The following IPO5 variants were observed in gnomAD, a reference collection of about 807,000 sequenced individuals.
IPO5 encodes the protein importin-5.
A neutral mutation model predicts 143.3 loss-of-function variants in IPO5; 18 were observed. The ratio of observed to expected loss-of-function variants is 0.13; its 90% CI spans 0.09 to 0.19. The LOEUF (loss-of-function observed/expected upper bound fraction) is 0.19. Ranked by LOEUF, IPO5 falls within the 10% of genes least tolerant of loss-of-function variation. The probability of loss-of-function intolerance (pLI) is 1.00; values close to 1 mark genes in which losing one functional copy is unlikely to be tolerated. For synonymous variants in IPO5, 477 were observed against 465.7 expected (o/e 1.02, Z -0.31); for missense variants, 1,013 against 1,336.9 (o/e 0.76, Z 3.78).
intron 8 of IPO5, 68 bp downstream of exon 8, chr13:97,990,290 T>A (rs1887701064): frequency 8.2e-7 from 1 of 1,226,954 alleles, no homozygotes. Flanking sequence ...AATTAGTATA[T>A]TAGGAGGTTG....
intron 11 of IPO5, among the ~76,000 whole-genome samples, chr13:97,995,552 A>G (rs517676): frequency 0.65 from 97,697 of 151,418 alleles, 33,056 homozygotes; most frequent in African/African-American, 0.87. Context: ...TCAGGAGATC[A>G]AGACCATCCT....
chr13:98,005,371 TTATTTA>T (rs1428083742), intron 16 of IPO5, among the ~76,000 whole-genome samples: 2 of 25,054 alleles, frequency 8.0e-5, no homozygotes, highest in Non-Finnish European at 1.5e-4. Flanking sequence ...TAATTTTTAT[TTATTTA>T]TTTATTTATT....
At chr13:98,005,007 T>A (rs1316527104) in intron 16 of IPO5, among the ~76,000 whole-genome samples, 1 of 152,104 alleles carries the variant, frequency 6.6e-6, no homozygotes, top group Admixed American at 6.6e-5. Context: ...GCCATTCTCC[T>A]GCCTCAGCCT....
intron 9 of IPO5, among the ~76,000 whole-genome samples, chr13:97,992,002 A>G (rs1887846638): frequency 6.6e-6 from 1 of 152,216 alleles, no homozygotes; most frequent in South Asian, 2.1e-4. Context: ...AGAACCACTG[A>G]GTTAGAGAGG....
At chr13:97,964,848 C>A (rs545508767) in intron 2 of IPO5, among the ~76,000 whole-genome samples, 1 of 152,192 alleles carries the variant, frequency 6.6e-6, no homozygotes, top group East Asian at 1.9e-4. Flanking sequence ...TGAGTATATA[C>A]CCAAAGGATT....
chr13:98,017,255 T>C (rs1307171856), intron 25 of IPO5, among the ~76,000 whole-genome samples: 2 of 151,762 alleles, frequency 1.3e-5, no homozygotes, highest in Non-Finnish European at 2.9e-5. Flanking sequence ...TATATATATA[T>C]ATGTATTTTT....
intron 5 of IPO5, among the ~76,000 whole-genome samples, chr13:97,985,143 A>G (rs1032837888): frequency 7.2e-5 from 11 of 152,238 alleles, no homozygotes; most frequent in Non-Finnish European, 1.6e-4. Flanking sequence ...TCTCCCAAAT[A>G]ATGTGTTAAA....
At chr13:97,963,659 C>T (rs1343181975) in intron 2 of IPO5, among the ~76,000 whole-genome samples, 8 of 152,094 alleles carry the variant, frequency 5.3e-5, no homozygotes, top group African/African-American at 1.9e-4. Context: ...TGAGCCACTG[C>T]ACCCGGCCAT....
intron 20 of IPO5, 134 bp downstream of exon 20, chr13:98,010,358 C>T: frequency 1.2e-6 from 1 of 823,552 alleles, no homozygotes; most frequent in South Asian, 2.0e-5. Context: ...AGTTTTCTTT[C>T]CATTTTAAAG....
chr13:97,968,583 T>C (rs1218728334), intron 2 of IPO5, among the ~76,000 whole-genome samples: 1 of 152,254 alleles, frequency 6.6e-6, no homozygotes, highest in East Asian at 1.9e-4. Flanking sequence ...AACTGTTCTA[T>C]CTTCCTGATT....
intron 6 of IPO5, among the ~76,000 whole-genome samples, chr13:97,986,722 C>T (rs1887384764): frequency 6.6e-6 from 1 of 152,156 alleles, no homozygotes; most frequent in Non-Finnish European, 1.5e-5. Context: ...TAAAAAAATG[C>T]ATTTTACTAA....
At position 97,958,578 on chromosome 13, in the gene IPO5, T is replaced by C. The variant is rs78306181; in HGVS notation, c.-113+4380T>C. Among the ~76,000 whole-genome samples, 2,296 of 152,002 alleles carry C rather than the reference T, an allele frequency of 0.015. 101 individuals are homozygous for C. In the East Asian group the frequency reaches 0.18, roughly 12 times the overall value. On this transcript the variant is annotated intron_variant, in intron 2 of 28. Transcript: ENST00000651721. ...TTGTGTTTAGTTTTTATTTTTCTTATGGAAGGCCCTCAAACTGTATGATTT... is the reference window on the plus strand; with the variant it reads ...TTGTGTTTAGTTTTTATTTTTCTTACGGAAGGCCCTCAAACTGTATGATTT...
chr13:97,977,368 T>A (rs1473016039), intron 4 of IPO5, among the ~76,000 whole-genome samples: 1 of 152,214 alleles, frequency 6.6e-6, no homozygotes, highest in Non-Finnish European at 1.5e-5. Flanking sequence ...GAAGCCAGAT[T>A]TCCCTACCCC....
At chr13:97,987,943 C>G (rs984934825) in intron 6 of IPO5, 2 of 262,668 alleles carry the variant, frequency 7.6e-6, no homozygotes, top group Admixed American at 7.8e-5. Flanking sequence ...TCAAAGTGCT[C>G]TCATAGATTT....
chr13:98,010,667 C>A (rs1889625249), intron 20 of IPO5, among the ~76,000 whole-genome samples: 1 of 151,460 alleles, frequency 6.6e-6, no homozygotes, highest in Admixed American at 6.6e-5. Context: ...GCAGGAAAAT[C>A]AAAATGTTCG....
intron 2 of IPO5, among the ~76,000 whole-genome samples, chr13:97,959,371 C>T (rs1354982954): frequency 1.3e-5 from 2 of 151,938 alleles, no homozygotes; most frequent in Admixed American, 6.6e-5. Context: ...CGTATTGTCA[C>T]CTCTGCTTGA....
intron 28 of IPO5, 127 bp from the exon 29 acceptor site, chr13:98,021,609 T>C (rs1890493429): frequency 8.6e-6 from 4 of 465,978 alleles, no homozygotes; most frequent in Non-Finnish European, 1.5e-5. Context: ...TTTACAATGA[T>C]ACTCATCAAA....
intron 7 of IPO5, among the ~76,000 whole-genome samples, 154 bp downstream of exon 7, chr13:97,989,318 T>G (rs1020512490): frequency 3.9e-5 from 6 of 152,224 alleles, no homozygotes; most frequent in Non-Finnish European, 8.8e-5. Context: ...GAAGCAATTT[T>G]TTTTAAAAGG....
chr13:98,015,445 T>G, intron 22 of IPO5, 85 bp from the exon 23 acceptor site: 2 of 726,532 alleles, frequency 2.8e-6, no homozygotes, highest in Non-Finnish European at 4.8e-6. Context: ...GTGTTCATTT[T>G]TCCATATGAT....
Sources: gnomAD v4.1 joint callset for allele counts (sites outside exome capture counted in the v4.1 genomes callset) on GRCh38, gnomAD v4.1.1 for gene constraint, MANE v1.5 for transcripts, NCBI Gene and HGNC (gene_info 2026-07-23, HGNC 2026-07-21) for gene names.